The following SMC1B variants were observed in gnomAD, a reference collection of about 807,000 sequenced individuals.
SMC1B encodes the protein structural maintenance of chromosomes 1B, also known as structural maintenance of chromosomes protein 1B.
SMC1B carries 60 observed loss-of-function variants against 157.9 expected under a neutral mutation model. That is an observed-to-expected ratio of 0.38 (90% CI 0.31 to 0.47). The LOEUF is 0.47. Among genes scored for constraint, SMC1B ranks in the 20% least tolerant of loss-of-function variants. SMC1B has a pLI of 0.99. For missense variants in SMC1B, 1,165 were observed against 1,426.2 expected (o/e 0.82, Z 2.95); for synonymous variants, 445 against 483.0 (o/e 0.92, Z 1.03).
At chr22:45,413,179 C>T (rs893747841) in intron 1 of SMC1B, among the ~76,000 whole-genome samples, 1 of 151,148 alleles carries the variant, frequency 6.6e-6, no homozygotes, top group African/African-American at 2.4e-5. Flanking sequence ...GAGCGGGGCC[C>T]GAGGCGGGGC....
At chr22:45,361,561 A>G (rs2086721935) in intron 17 of SMC1B, among the ~76,000 whole-genome samples, 1 of 152,140 alleles carries the variant, frequency 6.6e-6, no homozygotes. Context: ...CCGGGAAGCA[A>G]AGGTTGCAGT....
intron 8 of SMC1B, 144 bp downstream of exon 8, chr22:45,394,541 T>G (rs1602087395): frequency 1.0e-6 from 1 of 962,994 alleles, no homozygotes; most frequent in Non-Finnish European, 1.4e-6. Flanking sequence ...CAGGCTGAGG[T>G]AGGAGCGTCA....
In SMC1B at chr22:45,369,104, G is replaced by GT. The variant is rs886289654; in HGVS notation, c.2420+849dup. Among the ~76,000 whole-genome samples the GT allele has an allele frequency of 7.0e-3, 1,018 of 144,458 alleles. 9 individuals carry two copies. The highest frequency in any genetic ancestry group is 0.019 in the African/African-American group (770 of 39,688). 94.8% of individuals were successfully genotyped at this position (144,458 alleles called of 152,430 possible). A position where few individuals can be genotyped will look rare whatever the true frequency, so the allele number is the denominator to read the frequency against. On this transcript the variant is annotated intron_variant, in intron 15 of 24. Transcript: ENST00000357450. ...AAGCAAATTATTGTCTCATTCTTTTGTTTTTTTTTTTGAGACGGAATCTTG... is the reference window on the plus strand; with the variant it reads ...AAGCAAATTATTGTCTCATTCTTTTGTTTTTTTTTTTTGAGACGGAATCTTG...
At chr22:45,363,434 C>T (rs148079683) in intron 15 of SMC1B, among the ~76,000 whole-genome samples, 2 of 152,268 alleles carry the variant, frequency 1.3e-5, no homozygotes, top group East Asian at 1.9e-4. Context: ...GTAATCCCGG[C>T]ACTTTGGGAG....
intron 2 of SMC1B, among the ~76,000 whole-genome samples, chr22:45,408,077 C>A (rs188156792): frequency 7.7e-4 from 118 of 152,260 alleles, no homozygotes; most frequent in African/African-American, 2.7e-3. Flanking sequence ...TAAAGAACCT[C>A]AAGAATAAAT....
chr22:45,406,467 T>G lies in SMC1B; in HGVS notation c.608A>C (p.Lys203Thr), dbSNP rs766364030. The change falls in exon 4 of 25, where the codon AAG becomes ACG. Residue 203 changes from lysine to threonine, a missense_variant. Coordinates refer to ENST00000357450, the MANE Select transcript of SMC1B (RefSeq NM_148674.5). ...ATCTTCATGACATCTTACCTCTTCC[T>G]TCTCTAATTTTGCTTGTCTGCGCTC... ...AAERRQAKLE[K>T]EEAERYQSLL... The G allele has an allele frequency of 6.2e-7, 1 of 1,607,096 alleles. No homozygotes were observed. The highest frequency in any genetic ancestry group is 8.5e-7 in the Non-Finnish European group (1 of 1,178,454).
intron 18 of SMC1B, 87 bp from the exon 19 acceptor site, chr22:45,358,882 A>G (rs1354662659): frequency 1.3e-6 from 1 of 789,862 alleles, no homozygotes; most frequent in Non-Finnish European, 2.1e-6. Flanking sequence ...AACAATTACA[A>G]TAGTAACATC....
intron 10 of SMC1B, among the ~76,000 whole-genome samples, chr22:45,388,986 C>CAAAAAAAA (rs371475132): frequency 9.2e-5 from 5 of 54,418 alleles, no homozygotes; most frequent in East Asian, 5.7e-4. Context: ...GACTCTGCCT[C>CAAAAAAAA]AAAAAAAAAA....
intron 23 of SMC1B, among the ~76,000 whole-genome samples, chr22:45,348,316 T>G (rs1312678675): frequency 6.6e-6 from 1 of 151,974 alleles, no homozygotes; most frequent in Non-Finnish European, 1.5e-5. Context: ...CTTTGGGAGG[T>G]TGAAGCGGGT....
chr22:45,379,270 G>A (rs999185109), intron 12 of SMC1B, among the ~76,000 whole-genome samples: 5 of 152,220 alleles, frequency 3.3e-5, no homozygotes, highest in African/African-American at 4.8e-5. Context: ...GATTACAGGC[G>A]TGGGCCACCA....
At chr22:45,383,133 C>CA (rs5845706) in intron 12 of SMC1B, among the ~76,000 whole-genome samples, 67,920 of 143,178 alleles carry the variant, frequency 0.47, 17,507 homozygotes, top group African/African-American at 0.71. Context: ...AACTCTGTCT[C>CA]AAAAAAAAAA....
intron 6 of SMC1B, 108 bp from the exon 7 acceptor site, chr22:45,396,594 G>T: frequency 1.1e-6 from 1 of 882,914 alleles, no homozygotes; most frequent in Non-Finnish European, 1.6e-6. Context: ...CCAAAAGCTT[G>T]CTTTATATAA....
At chr22:45,384,732 AG>A (rs1487084477) in intron 11 of SMC1B, among the ~76,000 whole-genome samples, 2 of 151,802 alleles carry the variant, frequency 1.3e-5, no homozygotes, top group African/African-American at 4.8e-5. Context: ...AAAAAAAAAA[AG>A]AAAAGAAAAA....
intron 12 of SMC1B, among the ~76,000 whole-genome samples, chr22:45,380,805 A>G (rs1013373783): frequency 1.3e-5 from 2 of 152,170 alleles, no homozygotes; most frequent in African/African-American, 4.8e-5. Context: ...ACACCCCTGT[A>G]GTCCCAGCTA....
In SMC1B at chr22:45,413,450, C is replaced by T; in HGVS notation, c.109+9G>A. 1 of 1,599,378 alleles carries T rather than the reference C, an allele frequency of 6.3e-7. No individual in the cohort carries two copies. Among genetic ancestry groups the T allele is most frequent in the African/African-American group, 1.3e-5 (1 of 74,712 alleles). ...GGCGCTCCGGTGGCGCCCTGAGCTG[C>T]TCAGTTACCAGAGCCGTTGGGGCCG... On this transcript the variant is annotated intron_variant, in intron 1 of 24. Coordinates refer to ENST00000357450, the MANE Select transcript of SMC1B (RefSeq NM_148674.5).
chr22:45,390,434 G>A (rs767033885), intron 9 of SMC1B, among the ~76,000 whole-genome samples: 5 of 152,190 alleles, frequency 3.3e-5, no homozygotes, highest in Admixed American at 1.3e-4. Context: ...CCAGCTGGGC[G>A]TGGTGGCTCA....
At chr22:45,404,331 A>G (rs1282706848) in intron 4 of SMC1B, among the ~76,000 whole-genome samples, 1 of 152,258 alleles carries the variant, frequency 6.6e-6, no homozygotes, top group Non-Finnish European at 1.5e-5. Context: ...AGGAAATTAA[A>G]ATATTTTAAC....
chr22:45,396,265 T>C (rs1475594305), intron 7 of SMC1B, 81 bp downstream of exon 7: 7 of 1,261,918 alleles, frequency 5.5e-6, no homozygotes, highest in Non-Finnish European at 7.7e-6. Flanking sequence ...GTTAAGGAGA[T>C]TCATTCTGGA....
chr22:45,391,250 T>G (rs1199590535), intron 9 of SMC1B, among the ~76,000 whole-genome samples: 1 of 152,030 alleles, frequency 6.6e-6, no homozygotes, highest in Non-Finnish European at 1.5e-5. Flanking sequence ...TTTGTCTATG[T>G]TATTTATTAC....
Sources: gnomAD v4.1 joint callset for allele counts (sites outside exome capture counted in the v4.1 genomes callset) on GRCh38, gnomAD v4.1.1 for gene constraint, MANE v1.5 for transcripts, NCBI Gene and HGNC (gene_info 2026-07-23, HGNC 2026-07-21) for gene names.